The following BPIFB4 variants were observed in gnomAD, a reference collection of about 807,000 sequenced individuals.
BPIFB4 encodes BPI fold containing family B member 4.
BPIFB4 carries 62 observed loss-of-function variants against 69.2 expected under a neutral mutation model. The observed-to-expected ratio is 0.90, with a 90% CI of 0.73 to 1.11. The LOEUF (loss-of-function observed/expected upper bound fraction) is 1.11. BPIFB4 is among the 50% of genes least tolerant of loss of function. The pLI is 0.00. For synonymous variants in BPIFB4, 330 were observed against 332.7 expected, an observed-to-expected ratio of 0.99 and a Z score of 0.09; for missense variants, 789 against 792.0, an observed-to-expected ratio of 1.00 and a Z score of 0.04.
At position 33,083,724 on chromosome 20, in the gene BPIFB4, G is replaced by T; in HGVS notation, c.527G>T (p.Gly176Val). Residue 176 changes from glycine (G) to valine (V), a missense_variant, in exon 5 of 18, where the codon GGC (glycine) becomes GTC (valine). This residue lies in a region of BPIFB4 where 611 missense variants were observed against 575.4 expected (regional missense o/e 1.06). Coordinates refer to ENST00000375483, the MANE Select transcript of BPIFB4 (RefSeq NM_182519.3). ...VGPGGLLGTG[G>V]MLAADGILAG... ...CCAGGTGGTTTGCTGGGCACTGGAGGCATGCTGGCAGCTGATGGCATCCTC... is the reference window on the plus strand; with the variant it reads ...CCAGGTGGTTTGCTGGGCACTGGAGTCATGCTGGCAGCTGATGGCATCCTC... The T allele has an allele frequency of 6.2e-7, 1 of 1,614,066 alleles. No individual in the cohort carries two copies. Among genetic ancestry groups the T allele is most frequent in the Non-Finnish European group, 8.5e-7 (1 of 1,179,978 alleles).
At chr20:33,085,045 C>A (rs1255904090) in intron 6 of BPIFB4, 49 bp downstream of exon 6, 3 of 1,582,106 alleles carry the variant, frequency 1.9e-6, no homozygotes, top group Non-Finnish European at 1.7e-6. Context: ...ATGGCCCAAC[C>A]TCTGTATCCA....
At chr20:33,090,039 G>T (rs1005993971) in intron 9 of BPIFB4, among the ~76,000 whole-genome samples, 1 of 152,226 alleles carries the variant, frequency 6.6e-6, no homozygotes, top group Non-Finnish European at 1.5e-5. Context: ...CCTGATTTCT[G>T]AGTGAACATT....
At chr20:33,087,753 C>CACACACACACACACACACACA (rs56030970) in intron 7 of BPIFB4, among the ~76,000 whole-genome samples, 1 of 140,750 alleles carries the variant, frequency 7.1e-6, no homozygotes, top group Admixed American at 7.1e-5. Flanking sequence ...CACACACACA[C>CACACACACACACACACACACA]AAGCATGCAT....
In BPIFB4 at chr20:33,083,815, G is replaced by A; in HGVS notation, c.618G>A (p.Gly206=). The part of the protein sequence containing the change: ...LLGDGGLLGG[G]GVLGVLGEGG... ...GTGATGGAGGACTTCTTGGAGGAGGGGGTGTCCTGGGCGTGCTCGGCGAGG... is the reference window on the plus strand; with the variant it reads ...GTGATGGAGGACTTCTTGGAGGAGGAGGTGTCCTGGGCGTGCTCGGCGAGG... Residue 206 remains glycine, a synonymous_variant, in exon 5 of 18, where the codon GGG becomes GGA. Transcript: ENST00000375483. 6.2e-7 allele frequency: 1 copy of A among 1,613,618 alleles called. No individual in the cohort carries two copies. The highest frequency in any genetic ancestry group is 1.1e-5 in the South Asian group (1 of 91,060).
chr20:33,088,724 C>T (rs944580023), intron 7 of BPIFB4, among the ~76,000 whole-genome samples: 1 of 152,218 alleles, frequency 6.6e-6, no homozygotes, highest in Non-Finnish European at 1.5e-5. Context: ...TATAAAGCTC[C>T]AGACACTTTG....
At chr20:33,081,428 T>A (rs539611757) in intron 2 of BPIFB4, 84 bp from the exon 3 acceptor site, 9 of 1,512,456 alleles carry the variant, frequency 6.0e-6, no homozygotes, top group Non-Finnish European at 8.0e-6. Context: ...CTGAGATGAC[T>A]CTTGGCTGGG....
Position 33,081,541 on chromosome 20 carries a change from G to C in BPIFB4, c.15G>C (p.Trp5Cys). 6.4e-7 allele frequency: 1 copy of C among 1,551,720 alleles called. No homozygotes were observed. Among genetic ancestry groups the C allele is most frequent in the Non-Finnish European group, 8.7e-7 (1 of 1,147,008 alleles). ...GCAGTGCCAGCATGTGGATGGCCTG[G>C]TGTGTGGCTGCGCTGTCTGTGGTGG... MWMAWCVAALSVVAV... is the reference protein window; with the variant it reads MWMACCVAALSVVAV... The change falls in exon 3 of 18, where the codon TGG (tryptophan) becomes TGC (cysteine). Residue 5 changes from tryptophan (W) to cysteine (C), a missense_variant. Transcript: ENST00000375483.
intron 17 of BPIFB4, among the ~76,000 whole-genome samples, chr20:33,110,018 C>T (rs1382785549): frequency 1.3e-5 from 2 of 152,142 alleles, no homozygotes; most frequent in African/African-American, 4.8e-5. Context: ...CCCAGCTCCC[C>T]CTAATGTTAG....
At chr20:33,087,889 G>T (rs1981481736) in intron 7 of BPIFB4, among the ~76,000 whole-genome samples, 1 of 152,130 alleles carries the variant, frequency 6.6e-6, no homozygotes, top group Non-Finnish European at 1.5e-5. Flanking sequence ...TGGGAGAAAT[G>T]TTCTAATTAG....
intron 4 of BPIFB4, 55 bp from the exon 5 acceptor site, chr20:33,083,312 T>C (rs989601269): frequency 8.4e-6 from 13 of 1,547,938 alleles, no homozygotes; most frequent in Non-Finnish European, 1.1e-5. Flanking sequence ...TGGTGGTCTT[T>C]TGGGTGGTGG....
intron 2 of BPIFB4, among the ~76,000 whole-genome samples, chr20:33,081,310 A>T (rs1363316490): frequency 6.6e-6 from 1 of 152,184 alleles, no homozygotes; most frequent in Non-Finnish European, 1.5e-5. Flanking sequence ...GCTTTGTGTC[A>T]CCAGATTCAT....
chr20:33,080,735 G>A (rs761938), intron 2 of BPIFB4, among the ~76,000 whole-genome samples, 159 bp downstream of exon 2: 33,993 of 152,120 alleles, frequency 0.22, 4,016 homozygotes, highest in Admixed American at 0.29. Flanking sequence ...GCATTGATGA[G>A]TAGATAAACT....
chr20:33,099,922 A>T (rs1174830923), intron 13 of BPIFB4, among the ~76,000 whole-genome samples: 1 of 104,650 alleles, frequency 9.6e-6, no homozygotes, highest in Non-Finnish European at 2.3e-5. Flanking sequence ...AAAGGCCTCT[A>T]CTTGGAGAGA....
chr20:33,089,437 G>A (rs1366446308), intron 8 of BPIFB4, 61 bp from the exon 9 acceptor site: 12 of 1,611,486 alleles, frequency 7.4e-6, no homozygotes, highest in East Asian at 4.5e-5. Flanking sequence ...TTGCGTCCCC[G>A]ACTCCCTTGC....
chr20:33,102,302 T>C (rs1396653190), intron 14 of BPIFB4, among the ~76,000 whole-genome samples: 2 of 152,238 alleles, frequency 1.3e-5, no homozygotes, highest in Admixed American at 1.3e-4. Context: ...ACCGAGCTGA[T>C]GCTTCTGAAC....
At position 33,083,409 on chromosome 20, in the gene BPIFB4, C is replaced by A. The variant is rs779530388; in HGVS notation, c.212C>A (p.Pro71His). 7 of 1,613,018 alleles carry A rather than the reference C, an allele frequency of 4.3e-6. No homozygotes were observed. Among genetic ancestry groups the A allele is most frequent in the Non-Finnish European group, 5.9e-6 (7 of 1,179,348 alleles). Residue 71 changes from proline (P) to histidine (H), a missense_variant, in exon 5 of 18, where the codon CCC becomes CAC. Coordinates refer to ENST00000375483, the MANE Select transcript of BPIFB4 (RefSeq NM_182519.3). ...TACAATGACTTCCATGTCCGAGGAC[C>A]CCCCCCAGTATATACCAACGGCAAA... is the stretch of plus-strand genomic sequence containing the variant. Reference protein sequence around the residue: ...IPYNDFHVRGPPPVYTNGKKL... With the variant: ...IPYNDFHVRGHPPVYTNGKKL...
chr20:33,097,856 C>A lies in BPIFB4; in HGVS notation c.1569+69C>A, dbSNP rs1401814983. ...ACAGAGCCACATGGTCTCCTGGAGC[C>A]CAAAGACCCCTTCAAATCCCCTCAA... On this transcript the variant is annotated intron_variant, in intron 13 of 17. Coordinates refer to ENST00000375483, the MANE Select transcript of BPIFB4 (RefSeq NM_182519.3). 2.8e-6 allele frequency: 4 copies of A among 1,451,040 alleles called. No individual in the cohort carries two copies. The South Asian group carries it at 3.9e-5, about 14-fold the overall frequency. 89.9% of individuals were successfully genotyped at this position (1,451,040 alleles called of 1,614,324 possible).
At chr20:33,110,963 G>A (rs1419867425) in intron 17 of BPIFB4, among the ~76,000 whole-genome samples, 1 of 151,666 alleles carries the variant, frequency 6.6e-6, no homozygotes, top group Non-Finnish European at 1.5e-5. Flanking sequence ...TTACAGGCAC[G>A]TGCCACCATG....
intron 16 of BPIFB4, among the ~76,000 whole-genome samples, chr20:33,107,287 A>G (rs1982093906): frequency 2.6e-5 from 4 of 151,456 alleles, no homozygotes; most frequent in Admixed American, 2.6e-4. Context: ...AAAAGAAAAG[A>G]AAAAGAAAAA....
Sources: allele counts gnomAD v4.1 joint callset (sites outside exome capture counted in the v4.1 genomes callset), GRCh38; gene constraint gnomAD v4.1.1; regional missense constraint gnomAD v4.1.1; transcripts MANE v1.5; gene names NCBI Gene and HGNC (gene_info 2026-07-23, HGNC 2026-07-21).